RAPGEF4: variants seen among roughly 807,000 people sequenced by gnomAD.
RAPGEF4 encodes Rap guanine nucleotide exchange factor 4, also known as RAP guanine-nucleotide-exchange factor (GEF) 4.
In RAPGEF4, 66 loss-of-function variants were observed where a neutral mutation model predicts 147.9. The ratio of observed to expected loss-of-function variants is 0.45; its 90% CI spans 0.37 to 0.55. The LOEUF is 0.55. Ranked by LOEUF, RAPGEF4 falls within the 20% of genes least tolerant of loss-of-function variation. The pLI is 0.00. For synonymous variants in RAPGEF4, 419 were observed against 442.7 expected (o/e 0.95, Z 0.67); for missense variants, 1,071 against 1,257.3 (o/e 0.85, Z 2.24).
chr2:173,005,529 T>TTTTTTG (rs1433184381), intron 17 of RAPGEF4, among the ~76,000 whole-genome samples: 2 of 128,670 alleles, frequency 1.6e-5, no homozygotes, highest in Non-Finnish European at 3.2e-5. Context: ...TGTTTTTTTT[T>TTTTTTG]TTTTTTTTTT....
At chr2:172,933,726 A>T (rs184497405) in intron 6 of RAPGEF4, among the ~76,000 whole-genome samples, 40 of 152,348 alleles carry the variant, frequency 2.6e-4, no homozygotes, top group Admixed American at 2.5e-3. Flanking sequence ...ATTTATGTTT[A>T]TAAGTTAACT....
chr2:172,934,151 T>TC (rs571641682), intron 6 of RAPGEF4, among the ~76,000 whole-genome samples: 3 of 142,200 alleles, frequency 2.1e-5, no homozygotes, highest in Non-Finnish European at 4.6e-5. Context: ...TTAATCCTTT[T>TC]TTTTTTTTTT....
Position 172,965,566 on chromosome 2 carries a change from T to G in RAPGEF4, c.703T>G (p.Cys235Gly). ...RKYHLKTYRQ[C>G]CVGTELVDWM... is the part of the protein sequence containing the mutation. ...TTCTGTCTCACCTCTCCTTAGACAA[T>G]GCTGTGTGGGAACTGAACTGGTGGA... is the stretch of plus-strand genomic sequence containing the variant. Residue 235 changes from cysteine (C) to glycine (G), a missense_variant, in exon 9 of 31, where the codon TGC becomes GGC. Physicochemically the swap from Cys to Gly is radical, Grantham distance 159. Transcript: ENST00000397081. 1 of 1,613,492 alleles carries G rather than the reference T, an allele frequency of 6.2e-7. No individual in the cohort carries two copies. The highest frequency in any genetic ancestry group is 8.5e-7 in the Non-Finnish European group (1 of 1,179,426).
At chr2:172,735,831 C>A, upstream of RAPGEF4, 1 of 488,146 alleles carries the variant, frequency 2.0e-6, no homozygotes, top group Non-Finnish European at 2.9e-6. Flanking sequence ...GCCGCGGGAG[C>A]CCGCGGGGAG....
chr2:172,887,052 T>A (rs1697313639), intron 4 of RAPGEF4, among the ~76,000 whole-genome samples: 1 of 152,102 alleles, frequency 6.6e-6, no homozygotes, highest in Admixed American at 6.5e-5. Flanking sequence ...CTGGGTGTGG[T>A]GACACATGCC....
At chr2:173,039,301 CAA>C (rs373066887) in intron 29 of RAPGEF4, among the ~76,000 whole-genome samples, 58 of 138,916 alleles carry the variant, frequency 4.2e-4, no homozygotes, top group African/African-American at 9.2e-4. Flanking sequence ...ACTAAAAATA[CAA>C]AAAAAAAAAA....
In RAPGEF4 at chr2:173,027,232, TA is replaced by T; in HGVS notation, c.2538del (p.Lys846AsnfsTer5). 3 of 1,596,878 alleles carry T rather than the reference TA, an allele frequency of 1.9e-6. No homozygotes were observed. Among genetic ancestry groups the T allele is most frequent in the South Asian group, 1.2e-5 (1 of 86,548 alleles). On this transcript the variant is annotated frameshift_variant, in exon 25 of 31. Coordinates refer to ENST00000397081, the MANE Select transcript of RAPGEF4 (RefSeq NM_007023.4). LOFTEE classifies it high-confidence loss of function. ...CAGCTCAGCAAGCGTGTTCAGCTATTAAAAAAATTTATTAAGATAGCAGCCC... is the reference window on the plus strand; with the variant it reads ...CAGCTCAGCAAGCGTGTTCAGCTATTAAAAAATTTATTAAGATAGCAGCCC... ...CSQLSKRVQLLKKFIKIAAHC... is the reference protein window; with the variant it reads ...CSQLSKRVQLXKKFIKIAAHC...
At chr2:172,939,545 G>T (rs527632787) in intron 6 of RAPGEF4, among the ~76,000 whole-genome samples, 1 of 152,254 alleles carries the variant, frequency 6.6e-6, no homozygotes, top group African/African-American at 2.4e-5. Flanking sequence ...TCCTTTATCA[G>T]ATATGAGTTT....
At chr2:172,938,392 C>T (rs1286322097) in intron 6 of RAPGEF4, among the ~76,000 whole-genome samples, 1 of 152,058 alleles carries the variant, frequency 6.6e-6, no homozygotes, top group Non-Finnish European at 1.5e-5. Context: ...TGGCTTGTAC[C>T]ATCTGCCACC....
intron 4 of RAPGEF4, among the ~76,000 whole-genome samples, chr2:172,897,288 C>T (rs1036555407): frequency 2.0e-5 from 3 of 152,130 alleles, no homozygotes; most frequent in African/African-American, 2.4e-5. Context: ...TCCAAAAAGA[C>T]ACCCCACATC....
At chr2:172,874,134 G>A (rs992411742) in intron 4 of RAPGEF4, among the ~76,000 whole-genome samples, 3 of 152,196 alleles carry the variant, frequency 2.0e-5, no homozygotes. Flanking sequence ...GTGGAAGACA[G>A]TGTGGTAATT....
chr2:172,925,650 G>A (rs1685215439), intron 6 of RAPGEF4, among the ~76,000 whole-genome samples: 1 of 151,600 alleles, frequency 6.6e-6, no homozygotes, highest in Admixed American at 6.6e-5. Flanking sequence ...TGTAGTCCCA[G>A]GAAGATCAGT....
At chr2:172,808,572 G>A (rs183361715) in intron 3 of RAPGEF4, among the ~76,000 whole-genome samples, 1 of 152,298 alleles carries the variant, frequency 6.6e-6, no homozygotes, top group East Asian at 1.9e-4. Context: ...ACATGTTTGT[G>A]ACTAAGTCAG....
intron 1 of RAPGEF4, among the ~76,000 whole-genome samples, chr2:172,787,225 A>T (rs538445033): frequency 6.6e-6 from 1 of 152,252 alleles, no homozygotes; most frequent in East Asian, 1.9e-4. Context: ...AAATAAAAAT[A>T]AAAAAATTTA....
chr2:172,946,495 ACACTTTCTCT>A (rs1292637453), intron 6 of RAPGEF4, among the ~76,000 whole-genome samples: 1 of 152,140 alleles, frequency 6.6e-6, no homozygotes, highest in African/African-American at 2.4e-5. Context: ...CTGTCTTCCT[ACACTTTCTCT>A]CACCTCCTCC....
Position 172,867,377 on chromosome 2 carries a change from T to C in RAPGEF4, c.445-50425T>C, listed in dbSNP as rs1694769481. On this transcript the variant is annotated intron_variant, in intron 4 of 30. Transcript: ENST00000397081. ...GCTTCTTTGTTTCCTTCAGTTCTTT[T>C]ACTGTCCTTGGGGTAACTGAATGAT... 2.0e-5 allele frequency among the ~76,000 whole-genome samples: 3 copies of C among 152,352 alleles called. 1 individual carries two copies. Among genetic ancestry groups the C allele is most frequent in the South Asian group, 4.1e-4 (2 of 4,828 alleles).
intron 15 of RAPGEF4, among the ~76,000 whole-genome samples, chr2:172,994,332 G>T (rs1466708256): frequency 6.6e-6 from 1 of 152,170 alleles, no homozygotes; most frequent in Non-Finnish European, 1.5e-5. Flanking sequence ...CAGGTAGCTA[G>T]ACCTGGTCTC....
At chr2:172,854,844 A>G (rs1444451099) in intron 4 of RAPGEF4, among the ~76,000 whole-genome samples, 1 of 152,182 alleles carries the variant, frequency 6.6e-6, no homozygotes, top group African/African-American at 2.4e-5. Context: ...AGGAATGAGG[A>G]TGAAAGAGAA....
intron 4 of RAPGEF4, among the ~76,000 whole-genome samples, chr2:172,846,663 C>T (rs1434802036): frequency 6.6e-6 from 1 of 152,156 alleles, no homozygotes; most frequent in Non-Finnish European, 1.5e-5. Context: ...TGGTGAACCA[C>T]GCTCTGTGCT....
Sources: gnomAD v4.1 joint callset for allele counts (sites outside exome capture counted in the v4.1 genomes callset) on GRCh38, gnomAD v4.1.1 for gene constraint, MANE v1.5 for transcripts, NCBI Gene and HGNC (gene_info 2026-07-23, HGNC 2026-07-21) for gene names.